The following USH2A variants were observed in gnomAD, a reference collection of about 807,000 sequenced individuals.
The protein encoded by USH2A is usherin.
A neutral mutation model predicts 538.9 loss-of-function variants in USH2A; 443 were observed. The ratio of observed to expected loss-of-function variants is 0.82; its 90% CI spans 0.76 to 0.89. USH2A has a LOEUF of 0.89. Ranked by LOEUF, USH2A falls within the 40% of genes least tolerant of loss-of-function variation. The pLI is 0.00. For synonymous variants in USH2A, 2,413 were observed against 2,273.5 expected (o/e 1.06, Z -1.75); for missense variants, 6,633 against 6,324.8 (o/e 1.05, Z -1.65).
rs1213585924 is a variant in USH2A, at chr1:215,674,729, A to G, written c.13182T>C (p.Asp4394=). 1 of 1,614,132 alleles carries G rather than the reference A, an allele frequency of 6.2e-7. No homozygotes were observed. Among genetic ancestry groups the G allele is most frequent in the Non-Finnish European group, 8.5e-7 (1 of 1,180,042 alleles). Reference sequence around the variant, plus strand: ...CCTGGCCAGCAAGGGACTCTTTATTATCATATCTAACTAAATATTTAGTAA... The same window carrying G: ...CCTGGCCAGCAAGGGACTCTTTATTGTCATATCTAACTAAATATTTAGTAA... ...GKITKYLVRY[D]NKESLAGQGL... is the part of the protein sequence containing the mutation. The change falls in exon 63 of 72, where the codon GAT becomes GAC. Residue 4394 remains aspartate, a synonymous_variant. Transcript: ENST00000307340.
chr1:216,119,356 C>T lies in USH2A; in HGVS notation c.4628-22143G>A, dbSNP rs2033078307. On this transcript the variant is annotated intron_variant, in intron 21 of 71. Coordinates refer to ENST00000307340, the MANE Select transcript of USH2A (RefSeq NM_206933.4). ...TAGGTCCTCCCTTTTAAAACTAAGT[C>T]AAAATCTGGTATATTTCAGTGGAAC... 2.6e-5 allele frequency among the ~76,000 whole-genome samples: 4 copies of T among 152,122 alleles called. No homozygotes were observed. The South Asian group carries it at 8.3e-4, about 32-fold the overall frequency.
chr1:216,312,438 TGG>T (rs1266651326), intron 9 of USH2A, among the ~76,000 whole-genome samples: 1 of 152,180 alleles, frequency 6.6e-6, no homozygotes, highest in Non-Finnish European at 1.5e-5. Context: ...TTTACATTTT[TGG>T]TAGCTGTCTC....
At chr1:216,380,280 C>CT (rs1210237355) in intron 3 of USH2A, among the ~76,000 whole-genome samples, 1 of 152,102 alleles carries the variant, frequency 6.6e-6, no homozygotes, top group Non-Finnish European at 1.5e-5. Context: ...TAAAAAATAT[C>CT]TTTTTCCAAA....
chr1:216,422,449 T>C lies in USH2A; in HGVS notation c.-113A>G. ...GGTACTTTAAGTGATGTTGCGATACTCCATTTTCTGGAAACTGCAGACACG... is the reference window on the plus strand; with the variant it reads ...GGTACTTTAAGTGATGTTGCGATACCCCATTTTCTGGAAACTGCAGACACG... On this transcript the variant is annotated 5_prime_UTR_variant, in exon 2 of 72. Coordinates refer to ENST00000307340, the MANE Select transcript of USH2A (RefSeq NM_206933.4). 1.3e-6 allele frequency: 2 copies of C among 1,498,512 alleles called. No homozygotes were observed. The highest frequency in any genetic ancestry group is 1.8e-6 in the Non-Finnish European group (2 of 1,097,318). The allele number at this position is 1,498,512 out of a possible 1,614,324, so 92.8% of individuals were successfully genotyped here.
In USH2A at chr1:216,146,792, C is replaced by G. The variant is rs141999019; in HGVS notation, c.4627+28460G>C. Among the ~76,000 whole-genome samples, 1,449 of 152,172 alleles carry G rather than the reference C, an allele frequency of 9.5e-3. 10 individuals carry two copies. The highest frequency in any genetic ancestry group is 0.024 in the South Asian group (117 of 4,820). On this transcript the variant is annotated intron_variant, in intron 21 of 71. Coordinates refer to ENST00000307340, the MANE Select transcript of USH2A (RefSeq NM_206933.4). Reference sequence around the variant, plus strand: ...TGCTCTCTTTTCTCAGGGTTTGCCTCCTTCACTATGGGCAACCTTCCACCC... The same window carrying G: ...TGCTCTCTTTTCTCAGGGTTTGCCTGCTTCACTATGGGCAACCTTCCACCC...
intron 11 of USH2A, among the ~76,000 whole-genome samples, chr1:216,286,395 G>A (rs887709632): frequency 6.6e-6 from 1 of 152,100 alleles, no homozygotes; most frequent in Non-Finnish European, 1.5e-5. Flanking sequence ...AGCCATGATT[G>A]TGAGGCCTTC....
rs545144353 is a variant in USH2A, at chr1:215,736,558, G to C, written c.11711+4817C>G. Among the ~76,000 whole-genome samples, 3 of 152,052 alleles carry C rather than the reference G, an allele frequency of 2.0e-5. No individual in the cohort carries two copies. The East Asian group carries it at 5.8e-4, about 29-fold the overall frequency. On this transcript the variant is annotated intron_variant, in intron 60 of 71. Transcript: ENST00000307340. Reference sequence around the variant, plus strand: ...ATTCCATATTTAGAAATAAGGAGTAGAGCCATAAAAGTGCTGGAAGAAATA... The same window carrying C: ...ATTCCATATTTAGAAATAAGGAGTACAGCCATAAAAGTGCTGGAAGAAATA...
In USH2A at chr1:216,368,963, G is replaced by A. The variant is rs888845733; in HGVS notation, c.652-3878C>T. ...CCTTTCTAATAGATTAACATTAAGC[G>A]ATTTGACAACGTATCTTAAATTTAA... is the stretch of plus-strand genomic sequence containing the variant. On this transcript the variant is annotated intron_variant, in intron 3 of 71. Transcript: ENST00000307340. 7.2e-5 allele frequency among the ~76,000 whole-genome samples: 11 copies of A among 151,934 alleles called. No individual in the cohort carries two copies. In the South Asian group the frequency reaches 1.5e-3, roughly 20 times the overall value.
chr1:215,879,381 G>T, intron 41 of USH2A, among the ~76,000 whole-genome samples: 1 of 152,182 alleles, frequency 6.6e-6, no homozygotes, highest in East Asian at 1.9e-4. Context: ...CACTGTGGGT[G>T]TTCTGAAGGA....
At chr1:215,772,431 G>A (rs1661318004) in intron 55 of USH2A, among the ~76,000 whole-genome samples, 1 of 152,170 alleles carries the variant, frequency 6.6e-6, no homozygotes, top group Non-Finnish European at 1.5e-5. Flanking sequence ...GAAGATTACT[G>A]TGGCTGCAAA....
At chr1:215,773,490 C>G (rs868359305) in intron 55 of USH2A, among the ~76,000 whole-genome samples, 7 of 146,348 alleles carry the variant, frequency 4.8e-5, no homozygotes, top group African/African-American at 1.3e-4. Flanking sequence ...CTCTGTCTCT[C>G]TGTCTCTCTC....
chr1:215,941,474 CT>C lies in USH2A; in HGVS notation c.7121-6680del, dbSNP rs555605125. On this transcript the variant is annotated intron_variant, in intron 37 of 71. Coordinates refer to ENST00000307340, the MANE Select transcript of USH2A (RefSeq NM_206933.4). ...TTATTTTTTTTGCCATTTGGGCAAA[CT>C]TTTTTCCAGCTGAACAAACTGATGC... Among the ~76,000 whole-genome samples the C allele has an allele frequency of 3.1e-4, 47 of 152,116 alleles. No homozygotes were observed. In the South Asian group the frequency reaches 3.5e-3, roughly 11 times the overall value.
chr1:216,054,699 G>A (rs2030915404), intron 30 of USH2A, among the ~76,000 whole-genome samples: 1 of 151,708 alleles, frequency 6.6e-6, no homozygotes, highest in Non-Finnish European at 1.5e-5. Flanking sequence ...AAGGTGTTTG[G>A]CCGGCATCCA....
rs779852727 is a variant in USH2A at position 215,680,322 on chromosome 1, T to C, written c.12121A>G (p.Ile4041Val). The change falls in exon 62 of 72, where the codon ATT becomes GTT. Residue 4041 changes from isoleucine (I) to valine (V), a missense_variant. Physicochemically the swap from Ile to Val is conservative, Grantham distance 29 (BLOSUM62 3). Transcript: ENST00000307340. ...GCATGGTTTGCAGCCACAACACCAA[T>C]GCGATATGTTGTGAATGGTTCTAAC... ...YGLEPFTTYRIGVVAANHAGE... is the reference protein window; with the variant it reads ...YGLEPFTTYRVGVVAANHAGE... 1 of 1,613,950 alleles carries C rather than the reference T, an allele frequency of 6.2e-7. No homozygotes were observed. The highest frequency in any genetic ancestry group is 1.3e-5 in the African/African-American group (1 of 74,900).
intron 47 of USH2A, among the ~76,000 whole-genome samples, chr1:215,828,841 G>A (rs532783250): frequency 6.6e-6 from 1 of 152,250 alleles, no homozygotes; most frequent in South Asian, 2.1e-4. Flanking sequence ...TATTTTCTTA[G>A]TGTCTCCATT....
chr1:215,907,408 A>C (rs758542925), intron 38 of USH2A, among the ~76,000 whole-genome samples: 7 of 151,992 alleles, frequency 4.6e-5, no homozygotes, highest in Non-Finnish European at 1.0e-4. Context: ...TTTCAGGTTA[A>C]ACATCTCTGT....
chr1:215,639,358 C>T lies in USH2A; in HGVS notation c.14969-120G>A, dbSNP rs11805413. 222 of 908,102 alleles carry T rather than the reference C, an allele frequency of 2.4e-4. 2 individuals carry two copies. Among genetic ancestry groups the T allele is most frequent in the African/African-American group, 2.0e-3 (120 of 59,638 alleles). 56.3% of individuals were successfully genotyped at this position (908,102 alleles called of 1,614,324 possible). A position where few individuals can be genotyped will look rare whatever the true frequency, so the allele number is the denominator to read the frequency against. On this transcript the variant is annotated intron_variant, in intron 68 of 71. Transcript: ENST00000307340. ...AATAGGATTCCAAAGCAAGTTATGA[C>T]GTTTTATATAATATTCAAAATTACT...
At chr1:216,191,770 A>G (rs998377122) in intron 19 of USH2A, among the ~76,000 whole-genome samples, 1 of 151,916 alleles carries the variant, frequency 6.6e-6, no homozygotes, top group African/African-American at 2.4e-5. Flanking sequence ...AGAAAATGGT[A>G]TTGTTTTTAG....
At chr1:216,115,825 T>C (rs1282729412) in intron 21 of USH2A, among the ~76,000 whole-genome samples, 3 of 151,930 alleles carry the variant, frequency 2.0e-5, no homozygotes, top group African/African-American at 7.2e-5. Context: ...GAATGCCATT[T>C]AATGACATTG....
Sources: gnomAD v4.1 joint callset for allele counts (sites outside exome capture counted in the v4.1 genomes callset) on GRCh38, gnomAD v4.1.1 for gene constraint, MANE v1.5 for transcripts, NCBI Gene and HGNC (gene_info 2026-07-23, HGNC 2026-07-21) for gene names.